The following ALK variants were observed in gnomAD, a reference collection of about 807,000 sequenced individuals.
ALK encodes the protein ALK tyrosine kinase receptor.
A neutral mutation model predicts 163.1 loss-of-function variants in ALK; 74 were observed. The observed-to-expected ratio is 0.45, with a 90% CI of 0.38 to 0.55. The LOEUF is 0.55. ALK is among the 20% of genes least tolerant of loss of function. The probability of loss-of-function intolerance (pLI) is 0.00; values close to 1 mark genes in which losing one functional copy is unlikely to be tolerated. For missense variants in ALK, 2,063 were observed against 2,105.3 expected (o/e 0.98, Z 0.39); for synonymous variants, 960 against 843.2 (o/e 1.14, Z -2.40).
intron 3 of ALK, among the ~76,000 whole-genome samples, chr2:29,595,817 C>G (rs921804360): frequency 2.0e-5 from 3 of 152,180 alleles, no homozygotes; most frequent in African/African-American, 7.2e-5. Context: ...AAAGTGGTAG[C>G]TCAGAAGGGG....
chr2:29,617,848 C>A (rs1675900068), intron 3 of ALK, among the ~76,000 whole-genome samples: 1 of 152,212 alleles, frequency 6.6e-6, no homozygotes. Context: ...CTATTGCCAT[C>A]ATCTTTCCTC....
At chr2:29,590,858 T>A (rs1027787930) in intron 3 of ALK, among the ~76,000 whole-genome samples, 2 of 151,032 alleles carry the variant, frequency 1.3e-5, no homozygotes, top group African/African-American at 4.9e-5. Context: ...GATCACGAGG[T>A]CAGGAGATCG....
At chr2:29,214,195 A>G (rs950913176) in intron 23 of ALK, 114 bp from the exon 24 acceptor site, 1 of 861,826 alleles carries the variant, frequency 1.2e-6, no homozygotes, top group Non-Finnish European at 1.9e-6. Context: ...ATGCAGCTAC[A>G]CCAGGGGCCT....
rs4289134 is a variant in ALK at position 29,310,065 on chromosome 2, G to T, written c.1647+8239C>A. On this transcript the variant is annotated intron_variant, in intron 8 of 28. Coordinates refer to ENST00000389048, the MANE Select transcript of ALK (RefSeq NM_004304.5). Reference sequence around the variant, plus strand: ...ATGCAGCAACTAAAACAGGTTTTTTGTTGTTGTTGTTTTCTCAAATTAAAG... The same window carrying T: ...ATGCAGCAACTAAAACAGGTTTTTTTTTGTTGTTGTTTTCTCAAATTAAAG... Among the ~76,000 whole-genome samples the T allele has an allele frequency of 2.9e-3, 439 of 152,284 alleles. 18 individuals are homozygous for T. In the East Asian group the frequency reaches 0.076, roughly 26 times the overall value.
chr2:29,803,773 TAG>T (rs1664542501), intron 1 of ALK, among the ~76,000 whole-genome samples: 1 of 152,180 alleles, frequency 6.6e-6, no homozygotes, highest in Non-Finnish European at 1.5e-5. Context: ...ATGCCAAGCT[TAG>T]AGGTTGGAGG....
chr2:29,891,818 T>A (rs1226025493), intron 1 of ALK, among the ~76,000 whole-genome samples: 1 of 152,176 alleles, frequency 6.6e-6, no homozygotes, highest in Non-Finnish European at 1.5e-5. Flanking sequence ...GAAGCTTAGA[T>A]GCAGCAGGAC....
chr2:29,501,058 C>T (rs186465720), intron 4 of ALK, among the ~76,000 whole-genome samples: 119 of 152,238 alleles, frequency 7.8e-4, no homozygotes, highest in African/African-American at 2.7e-3. Flanking sequence ...TTGCTTTTTC[C>T]TGACACCTCT....
chr2:29,724,556 G>A (rs1010798875), intron 1 of ALK, among the ~76,000 whole-genome samples: 1 of 152,172 alleles, frequency 6.6e-6, no homozygotes, highest in African/African-American at 2.4e-5. Flanking sequence ...GCGGTGATGG[G>A]CGATGTTGTT....
chr2:29,760,949 G>C (rs886470276), intron 1 of ALK, among the ~76,000 whole-genome samples: 2 of 152,092 alleles, frequency 1.3e-5, no homozygotes, highest in Non-Finnish European at 2.9e-5. Context: ...TGCCCCTTCT[G>C]TCCCAAGGAA....
intron 1 of ALK, among the ~76,000 whole-genome samples, chr2:29,897,290 G>A (rs1404407602): frequency 6.6e-6 from 1 of 151,546 alleles, no homozygotes. Context: ...TCAGTGAGCT[G>A]AAATCGTACC....
At chr2:29,207,500 G>A (rs1378015019) in intron 25 of ALK, among the ~76,000 whole-genome samples, 1 of 152,152 alleles carries the variant, frequency 6.6e-6, no homozygotes, top group Non-Finnish European at 1.5e-5. Flanking sequence ...AGGCATGAGA[G>A]GAATGATCTA....
At chr2:29,386,371 G>A (rs1264174889) in intron 4 of ALK, among the ~76,000 whole-genome samples, 1 of 152,154 alleles carries the variant, frequency 6.6e-6, no homozygotes, top group African/African-American at 2.4e-5. Context: ...AGGAAAAGGA[G>A]GGCTTTCGGT....
rs926663315 is a variant in ALK at position 29,717,681 on chromosome 2, T to C, written c.684A>G (p.Glu228=). Residue 228 remains glutamate, a synonymous_variant, in exon 2 of 29, where the codon GAA becomes GAG. Transcript: ENST00000389048. ...AAGGAGAAGGCATGTTTGTTGGTGA[T>C]TCCAAGGAGCTATGACCTGGACATA... ...QIFGTGHSSL[E]SPTNMPSPSP... 1.2e-5 allele frequency: 20 copies of C among 1,614,078 alleles called. No homozygotes were observed. The highest frequency in any genetic ancestry group is 1.6e-5 in the Non-Finnish European group (19 of 1,180,016).
At chr2:29,290,003 G>C (rs567993968) in intron 9 of ALK, among the ~76,000 whole-genome samples, 1 of 152,334 alleles carries the variant, frequency 6.6e-6, no homozygotes, top group South Asian at 2.1e-4. Flanking sequence ...AGCTGGGGCT[G>C]TATTGCTTGT....
chr2:29,537,252 C>T (rs1221628435), intron 3 of ALK, among the ~76,000 whole-genome samples: 2 of 152,214 alleles, frequency 1.3e-5, no homozygotes, highest in African/African-American at 2.4e-5. Flanking sequence ...TTTGGGACAG[C>T]CCCTCTGATC....
At chr2:29,537,495 G>T (rs1455637532) in intron 3 of ALK, among the ~76,000 whole-genome samples, 2 of 152,248 alleles carry the variant, frequency 1.3e-5, no homozygotes, top group Non-Finnish European at 2.9e-5. Flanking sequence ...AGTGAAGAAG[G>T]CTTGGCAGCT....
intron 1 of ALK, among the ~76,000 whole-genome samples, chr2:29,744,297 G>A (rs1465574811): frequency 6.6e-6 from 1 of 152,216 alleles, no homozygotes; most frequent in Non-Finnish European, 1.5e-5. Context: ...GTCTACAGTG[G>A]TGGGAGAGAC....
At chr2:29,756,411 C>A (rs1680532418) in intron 1 of ALK, among the ~76,000 whole-genome samples, 2 of 152,208 alleles carry the variant, frequency 1.3e-5, no homozygotes, top group African/African-American at 4.8e-5. Flanking sequence ...TCTGTTTATT[C>A]ACTACCCTGT....
rs747239082 is a variant in ALK at position 29,222,544 on chromosome 2, G to A, written c.3423C>T (p.Asp1141=). ...TCACAGCCACTTGCAGGGGGCTTGGGTCGTTGGGCATTCCGGACACCTGGC... is the reference window on the plus strand; with the variant it reads ...TCACAGCCACTTGCAGGGGGCTTGGATCGTTGGGCATTCCGGACACCTGGC... ...YEGQVSGMPN[D]PSPLQVAVKT... is the part of the protein sequence containing the mutation. The change falls in exon 21 of 29, where the codon GAC becomes GAT. Residue 1141 remains aspartate (D), a synonymous_variant. Coordinates refer to ENST00000389048, the MANE Select transcript of ALK (RefSeq NM_004304.5). 6 of 1,614,144 alleles carry A rather than the reference G, an allele frequency of 3.7e-6. No individual in the cohort carries two copies. In the South Asian group the frequency reaches 6.6e-5, roughly 18 times the overall value.
Sources: gnomAD v4.1 joint callset for allele counts (sites outside exome capture counted in the v4.1 genomes callset) on GRCh38, gnomAD v4.1.1 for gene constraint, MANE v1.5 for transcripts, NCBI Gene and HGNC (gene_info 2026-07-23, HGNC 2026-07-21) for gene names.